Variants in CNTLN observed in about 807,000 individuals in gnomAD.
CNTLN encodes centlein.
A neutral mutation model predicts 180.0 loss-of-function variants in CNTLN; 212 were observed. The observed-to-expected ratio is 1.18, with a 90% confidence interval of 1.05 to 1.32. The LOEUF (loss-of-function observed/expected upper bound fraction) is 1.32, where lower values mean the gene tolerates loss of function less well. Ranked by LOEUF, CNTLN falls within the 40% of genes most tolerant of loss-of-function variation. The probability of loss-of-function intolerance (pLI) is 0.00; values close to 1 mark genes in which losing one functional copy is unlikely to be tolerated. For missense variants in CNTLN, 2,095 were observed against 1,610.9 expected (o/e 1.30, Z -5.14); for synonymous variants, 722 against 563.1 (o/e 1.28, Z -3.99).
chr9:17,466,519 A>G (rs1016671951), intron 22 of CNTLN, among the ~76,000 whole-genome samples, 187 bp from the exon 23 acceptor site: 9 of 151,544 alleles, frequency 5.9e-5, no homozygotes, highest in African/African-American at 2.2e-4. Flanking sequence ...AATTTAGATG[A>G]TAAGTATATG....
Position 17,270,723 on chromosome 9 carries a change from G to GT in CNTLN, c.850-3003dup, listed in dbSNP as rs145242869. On this transcript the variant is annotated intron_variant, in intron 5 of 25. Coordinates refer to ENST00000380647, the MANE Select transcript of CNTLN (RefSeq NM_017738.4). ...TTAAACCTTTAGGACCAGATAAGGTGTTTTTTTGAGTCAGCTTCATATAAT... is the reference window on the plus strand; with the variant it reads ...TTAAACCTTTAGGACCAGATAAGGTGTTTTTTTTGAGTCAGCTTCATATAAT... Among the ~76,000 whole-genome samples the GT allele has an allele frequency of 3.0e-3, 450 of 152,000 alleles. 1 individual carries two copies. Among genetic ancestry groups the GT allele is most frequent in the South Asian group, 4.4e-3 (21 of 4,792 alleles).
chr9:17,457,804 A>AATT, intron 19 of CNTLN, 89 bp downstream of exon 19: 1 of 834,022 alleles, frequency 1.2e-6, no homozygotes, highest in Non-Finnish European at 1.7e-6. Context: ...TATTCTAATA[A>AATT]AGGTAAATTA....
At chr9:17,491,838 A>T (rs1833176889) in intron 25 of CNTLN, among the ~76,000 whole-genome samples, 1 of 149,838 alleles carries the variant, frequency 6.7e-6, no homozygotes, top group South Asian at 2.1e-4. Context: ...TACCTTCTGT[A>T]GAATGCCTTG....
At chr9:17,184,073 G>A (rs907579438) in intron 2 of CNTLN, among the ~76,000 whole-genome samples, 2 of 152,052 alleles carry the variant, frequency 1.3e-5, no homozygotes, top group South Asian at 4.1e-4. Context: ...GAGAAGCAAC[G>A]AATAATCTGA....
intron 2 of CNTLN, among the ~76,000 whole-genome samples, chr9:17,172,358 A>G (rs1820474185): frequency 6.6e-6 from 1 of 151,932 alleles, no homozygotes; most frequent in Non-Finnish European, 1.5e-5. Flanking sequence ...TGATTTTCCT[A>G]CACTTCTTCT....
intron 5 of CNTLN, among the ~76,000 whole-genome samples, chr9:17,267,352 T>A (rs1255263664): frequency 6.6e-6 from 1 of 152,194 alleles, no homozygotes; most frequent in Non-Finnish European, 1.5e-5. Flanking sequence ...TTTTTAAGAA[T>A]GTTGAATATA....
chr9:17,136,439 C>A (rs1465788273), intron 1 of CNTLN, among the ~76,000 whole-genome samples: 6 of 152,190 alleles, frequency 3.9e-5, no homozygotes, highest in Non-Finnish European at 8.8e-5. Flanking sequence ...ACGCCATTCT[C>A]CAGCCTCAGC....
chr9:17,320,083 G>T (rs944980543), intron 8 of CNTLN, among the ~76,000 whole-genome samples: 5 of 152,154 alleles, frequency 3.3e-5, no homozygotes, highest in African/African-American at 1.2e-4. Flanking sequence ...AGAAAGCCAG[G>T]GTTTACTATA....
chr9:17,274,078 A>T (rs2132518822), intron 6 of CNTLN, among the ~76,000 whole-genome samples: 1 of 152,220 alleles, frequency 6.6e-6, no homozygotes, highest in African/African-American at 2.4e-5. Flanking sequence ...GAGCATGGTC[A>T]AGGGGTACCC....
At chr9:17,180,678 C>A (rs1196620995) in intron 2 of CNTLN, among the ~76,000 whole-genome samples, 3 of 151,958 alleles carry the variant, frequency 2.0e-5, no homozygotes, top group East Asian at 3.9e-4. Context: ...TTTAAAATTT[C>A]TTTTCTATTT....
chr9:17,315,341 T>A (rs1051713624), intron 8 of CNTLN, among the ~76,000 whole-genome samples: 1 of 152,130 alleles, frequency 6.6e-6, no homozygotes, highest in African/African-American at 2.4e-5. Context: ...TGAGAAGGCA[T>A]GTCTCTTATT....
At chr9:17,300,821 T>C (rs939984336) in intron 7 of CNTLN, 12 of 228,324 alleles carry the variant, frequency 5.3e-5, no homozygotes, top group Non-Finnish European at 8.7e-5. Context: ...ACACAAACCA[T>C]GTTTTTATTC....
At chr9:17,427,523 A>G (rs1201639340) in intron 18 of CNTLN, among the ~76,000 whole-genome samples, 2 of 152,188 alleles carry the variant, frequency 1.3e-5, no homozygotes, top group East Asian at 3.8e-4. Flanking sequence ...TAAATCTCAC[A>G]TGAACTTTCA....
intron 12 of CNTLN, among the ~76,000 whole-genome samples, chr9:17,346,727 G>A (rs1201181142): frequency 1.3e-5 from 2 of 151,988 alleles, no homozygotes; most frequent in Non-Finnish European, 2.9e-5. Context: ...TCCTATTTGG[G>A]TTTCTGTTTC....
chr9:17,209,305 G>T (rs1015949472), intron 2 of CNTLN, among the ~76,000 whole-genome samples: 3 of 152,100 alleles, frequency 2.0e-5, no homozygotes, highest in Non-Finnish European at 2.9e-5. Context: ...CAATTTGTTT[G>T]AATTTTTAGG....
At chr9:17,469,406 A>G (rs891260758) in intron 23 of CNTLN, among the ~76,000 whole-genome samples, 2 of 151,722 alleles carry the variant, frequency 1.3e-5, no homozygotes, top group African/African-American at 4.8e-5. Flanking sequence ...CCACCAGCAA[A>G]TTAATAGCCA....
intron 25 of CNTLN, among the ~76,000 whole-genome samples, chr9:17,496,466 C>G (rs1381233438): frequency 6.6e-6 from 1 of 152,170 alleles, no homozygotes; most frequent in Non-Finnish European, 1.5e-5. Context: ...GGCTACTAAT[C>G]CCATTCAGGA....
At chr9:17,424,110 T>G (rs1393889777) in intron 18 of CNTLN, among the ~76,000 whole-genome samples, 1 of 152,176 alleles carries the variant, frequency 6.6e-6, no homozygotes, top group Non-Finnish European at 1.5e-5. Flanking sequence ...CTTCCCTCCC[T>G]CAATCTCATT....
intron 7 of CNTLN, among the ~76,000 whole-genome samples, chr9:17,304,393 T>A (rs1226314760): frequency 2.6e-5 from 4 of 152,206 alleles, no homozygotes; most frequent in Non-Finnish European, 4.4e-5. Context: ...GAATTAAATA[T>A]TGATAAGGAA....
Sources: gnomAD v4.1 joint callset for allele counts (sites outside exome capture counted in the v4.1 genomes callset) on GRCh38, gnomAD v4.1.1 for gene constraint, MANE v1.5 for transcripts, NCBI Gene and HGNC (gene_info 2026-07-23, HGNC 2026-07-21) for gene names.